Variants in PRPF3 observed in about 807,000 individuals in gnomAD.
PRPF3 encodes U4/U6 small nuclear ribonucleoprotein Prp3.
PRPF3 carries 3 observed loss-of-function variants against 89.2 expected under a neutral mutation model. The ratio of observed to expected loss-of-function variants is 0.03; its 90% confidence interval spans 0.02 to 0.09. The LOEUF is 0.09. Among genes scored for constraint, PRPF3 ranks in the 10% least tolerant of loss-of-function variants. The probability of loss-of-function intolerance (pLI) is 1.00; values close to 1 mark genes in which losing one functional copy is unlikely to be tolerated. For missense variants in PRPF3, 463 were observed against 828.8 expected (o/e 0.56, Z 5.42); for synonymous variants, 270 against 289.1 (o/e 0.93, Z 0.67).
chr1:150,324,876 G>GTC lies in PRPF3; in HGVS notation c.-48-15_-48-14dup. On this transcript the variant is annotated intron_variant, in intron 1 of 15. Transcript: ENST00000324862. ...TTAGTCTTTTCTTATTCTCTAACTT[G>GTC]TCTCTTTTTTTTTTTTAGGTGTAGT... is the stretch of plus-strand genomic sequence containing the variant. 8.2e-6 allele frequency: 6 copies of GTC among 733,032 alleles called. No individual in the cohort carries two copies. The Admixed American group carries it at 1.2e-4, about 15-fold the overall frequency. 45.4% of individuals were successfully genotyped at this position (733,032 alleles called of 1,614,324 possible). A position where few individuals can be genotyped will look rare whatever the true frequency, so the allele number is the denominator to read the frequency against.
At chr1:150,349,304 TG>T in intron 15 of PRPF3, 86 bp downstream of exon 15, 1 of 976,638 alleles carries the variant, frequency 1.0e-6, no homozygotes, top group South Asian at 1.3e-5. Context: ...GAATGTAAGA[TG>T]TAATCAGTGA....
intron 15 of PRPF3, among the ~76,000 whole-genome samples, chr1:150,350,278 C>T (rs1196342428): frequency 2.7e-5 from 4 of 150,684 alleles, no homozygotes; most frequent in East Asian, 2.0e-4. Context: ...CTCAGCTCAC[C>T]GCAACCACCG....
At position 150,346,484 on chromosome 1, in the gene PRPF3, G is replaced by A; in HGVS notation, c.1836G>A (p.Lys612=). 4 of 1,612,354 alleles carry A rather than the reference G, an allele frequency of 2.5e-6. No homozygotes were observed. Among genetic ancestry groups the A allele is most frequent in the Non-Finnish European group, 3.4e-6 (4 of 1,178,394 alleles). The change falls in exon 14 of 16, where the codon AAG becomes AAA. Residue 612 remains lysine (K), a synonymous_variant. Coordinates refer to ENST00000324862, the MANE Select transcript of PRPF3 (RefSeq NM_004698.4). ...GGGATGAACAGACATCTAACACAAA[G>A]GGAGATGGTGAATGGGGGTTAGAGG... ...IKWDEQTSNT[K]GDDDEESDEE...
intron 3 of PRPF3, 149 bp downstream of exon 3, chr1:150,326,030 T>C: frequency 1.0e-6 from 1 of 963,076 alleles, no homozygotes; most frequent in South Asian, 1.4e-5. Flanking sequence ...GAGAGATGAA[T>C]TAGTGTCATC....
rs80201355 is a variant in PRPF3, at chr1:150,334,986, G to C, written c.780G>C (p.Glu260Asp). 1 of 1,614,112 alleles carries C rather than the reference G, an allele frequency of 6.2e-7. No individual in the cohort carries two copies. The highest frequency in any genetic ancestry group is 1.7e-5 in the Admixed American group (1 of 59,992). Residue 260 changes from glutamate (E) to aspartate (D), a missense_variant, in exon 7 of 16, where the codon GAG becomes GAC. Glu to Asp is a conservative substitution (Grantham distance 45). This residue lies in a region of PRPF3 where 261 missense variants were observed against 475.8 expected (regional missense o/e 0.55). Coordinates refer to ENST00000324862, the MANE Select transcript of PRPF3 (RefSeq NM_004698.4). ...QTKPTPLILD[E>D]QGRTVDATGK... ...AACCTACACCACTGATCCTGGATGA[G>C]CAAGGGCGCACTGTAGATGCAACAG...
At chr1:150,345,343 T>A (rs868906830) in intron 12 of PRPF3, among the ~76,000 whole-genome samples, 1 of 151,424 alleles carries the variant, frequency 6.6e-6, no homozygotes. Context: ...TATATATATA[T>A]TTTATTTATT....
intron 1 of PRPF3, among the ~76,000 whole-genome samples, chr1:150,321,950 T>A (rs1553862117): frequency 6.6e-6 from 1 of 152,096 alleles, no homozygotes; most frequent in Non-Finnish European, 1.5e-5. Context: ...GAATTCCTTC[T>A]GAAGACTGGA....
Sources: allele counts gnomAD v4.1 joint callset (sites outside exome capture counted in the v4.1 genomes callset), GRCh38; gene constraint gnomAD v4.1.1; regional missense constraint gnomAD v4.1.1; transcripts MANE v1.5; gene names NCBI Gene and HGNC (gene_info 2026-07-23, HGNC 2026-07-21).